The following DMRT3 variants were observed in gnomAD, a reference collection of about 807,000 sequenced individuals.
DMRT3 encodes doublesex- and mab-3-related transcription factor 3.
Under a neutral mutation model 34.9 loss-of-function variants are expected in DMRT3, and 29 were observed. The ratio of observed to expected loss-of-function variants is 0.83; its 90% confidence interval spans 0.62 to 1.13. DMRT3 has a LOEUF of 1.13. Among genes scored for constraint, DMRT3 ranks in the 50% most tolerant of loss-of-function variants. The pLI, the probability that DMRT3 is intolerant of heterozygous loss-of-function variation, is 0.00. For synonymous variants in DMRT3, 350 were observed against 286.0 expected, an observed-to-expected ratio of 1.22 and a Z score of -2.26; for missense variants, 772 against 629.1, an observed-to-expected ratio of 1.23 and a Z score of -2.43.
intron 1 of DMRT3, among the ~76,000 whole-genome samples, chr9:978,950 T>C (rs559700775): frequency 6.6e-6 from 1 of 152,350 alleles, no homozygotes; most frequent in Admixed American, 6.5e-5. Flanking sequence ...TTTTCTCCCA[T>C]AGGTTTGAAC....
Position 976,999 on chromosome 9 carries a change from G to T in DMRT3, c.-3G>T. The T allele has an allele frequency of 6.7e-7, 1 of 1,493,800 alleles. No individual in the cohort carries two copies. Among genetic ancestry groups the T allele is most frequent in the Non-Finnish European group, 8.9e-7 (1 of 1,120,900 alleles). The allele number at this position is 1,493,800 out of a possible 1,614,324, so 92.5% of individuals were successfully genotyped here. On this transcript the variant is annotated 5_prime_UTR_variant, in exon 1 of 2. Coordinates refer to ENST00000190165, the MANE Select transcript of DMRT3 (RefSeq NM_021240.4). This position sits in a 1 kb window ranked among gnomAD's most constrained non-coding sequence, Gnocchi z 4.5. The stretch of plus-strand genomic sequence containing the variant: ...GCTGCCAACTCATTCGGGAGCCCGG[G>T]GCATGAACGGCTACGGCTCCCCCTA...
Position 976,942 on chromosome 9 carries a change from T to C in DMRT3, c.-60T>C. The stretch of plus-strand genomic sequence containing the variant: ...CTGAGCGGGCCTCGCAGCCCCGCCG[T>C]CCAGCGCTCCCTGGCCCTCTCCCGC... On this transcript the variant is annotated 5_prime_UTR_variant, in exon 1 of 2. Transcript: ENST00000190165. The surrounding 1 kb of genome is among the most constrained non-coding windows in gnomAD (Gnocchi z 4.5). The C allele has an allele frequency of 7.2e-7, 1 of 1,389,064 alleles. No individual in the cohort carries two copies. The highest frequency in any genetic ancestry group is 1.7e-5 in the South Asian group (1 of 59,616). 86.0% of individuals were successfully genotyped at this position (1,389,064 alleles called of 1,614,324 possible). A position where few individuals can be genotyped will look rare whatever the true frequency, so the allele number is the denominator to read the frequency against.
Position 990,415 on chromosome 9 carries a change from G to T in DMRT3, c.829G>T (p.Asp277Tyr), listed in dbSNP as rs1820342219. ...LELILKGCGG[D>Y]LVSAVEVLLS... ...GCTCATCCTCAAGGGCTGTGGCGGG[G>T]ACCTGGTGAGCGCCGTGGAAGTCCT... The change falls in exon 2 of 2, where the codon GAC becomes TAC. Residue 277 changes from aspartate (D) to tyrosine (Y), a missense_variant. Asp to Tyr is a radical substitution (Grantham distance 160). Coordinates refer to ENST00000190165, the MANE Select transcript of DMRT3 (RefSeq NM_021240.4). 1.2e-6 allele frequency: 2 copies of T among 1,614,126 alleles called. No homozygotes were observed. Among genetic ancestry groups the T allele is most frequent in the Non-Finnish European group, 1.7e-6 (2 of 1,180,026 alleles).
In DMRT3 at chr9:990,222, C is replaced by T. The variant is rs796689543; in HGVS notation, c.636C>T (p.Gly212=). The change falls in exon 2 of 2, where the codon GGC becomes GGT. Residue 212 remains glycine (G), a synonymous_variant. Coordinates refer to ENST00000190165, the MANE Select transcript of DMRT3 (RefSeq NM_021240.4). ...GATACGCTGTCCAGAAAAACGGAGG[C>T]AACCCCGAGAGCCGCCCTGACAGCC... ...EGGYAVQKNG[G]NPESRPDSPK... is the part of the protein sequence containing the mutation. 1.2e-6 allele frequency: 2 copies of T among 1,613,972 alleles called. No individual in the cohort carries two copies. The highest frequency in any genetic ancestry group is 2.2e-5 in the South Asian group (2 of 91,048).
In DMRT3 at chr9:990,387, T is replaced by C. The variant is rs762892476; in HGVS notation, c.801T>C (p.Leu267=). 4 of 1,613,994 alleles carry C rather than the reference T, an allele frequency of 2.5e-6. No individual in the cohort carries two copies. The African/African-American group carries it at 4.0e-5, about 16-fold the overall frequency. The change falls in exon 2 of 2, where the codon CTT becomes CTC. Residue 267 remains leucine (L), a synonymous_variant. Transcript: ENST00000190165. ...TCCCCAACCAGAAGCCAACGGTGCTTGAGCTCATCCTCAAGGGCTGTGGCG... is the reference window on the plus strand; with the variant it reads ...TCCCCAACCAGAAGCCAACGGTGCTCGAGCTCATCCTCAAGGGCTGTGGCG... ...KIFPNQKPTV[L]ELILKGCGGD... is the part of the protein sequence containing the mutation.
Position 977,357 on chromosome 9 carries a change from A to AGCCGCC in DMRT3, c.359_364dup (p.Pro120_Pro121dup), listed in dbSNP as rs1395472612. 1.6e-6 allele frequency: 2 copies of AGCCGCC among 1,237,128 alleles called. No individual in the cohort carries two copies. Among genetic ancestry groups the AGCCGCC allele is most frequent in the Non-Finnish European group, 1.0e-6 (1 of 993,550 alleles). The allele number at this position is 1,237,128 out of a possible 1,614,324, so 76.6% of individuals were successfully genotyped here. On this transcript the variant is annotated inframe_insertion, in exon 1 of 2. Transcript: ENST00000190165. ...CCAGCCTCTCAGCCGTCGCAGCCGC[A>AGCCGCC]GCCGCCGCGCCCTGCTGCCGAGTTG...
At chr9:982,932 G>A (rs1022248409) in intron 1 of DMRT3, among the ~76,000 whole-genome samples, 9 of 152,142 alleles carry the variant, frequency 5.9e-5, no homozygotes, top group African/African-American at 1.9e-4. Context: ...CTAGTCCTGT[G>A]TGGCTCTGAT....
rs1820166091 is a variant in DMRT3 at position 977,424 on chromosome 9, C to A, written c.423C>A (p.Pro141=). Residue 141 remains proline (P), a synonymous_variant, in exon 1 of 2, where the codon CCC becomes CCA. Coordinates refer to ENST00000190165, the MANE Select transcript of DMRT3 (RefSeq NM_021240.4). ...TGCGTTGGACTGCCGAGCCGCAGCC[C>A]GGGGCTCTGCAGGCGCAGCTCGCCA... The part of the protein sequence containing the change: ...AALRWTAEPQ[P]GALQAQLAKP... 7.9e-7 allele frequency: 1 copy of A among 1,273,074 alleles called. No individual in the cohort carries two copies. The highest frequency in any genetic ancestry group is 9.9e-7 in the Non-Finnish European group (1 of 1,011,494). 78.9% of individuals were successfully genotyped at this position (1,273,074 alleles called of 1,614,324 possible).
Position 977,085 on chromosome 9 carries a change from G to A in DMRT3, c.84G>A (p.Lys28=). ...PPRAPLQRTP[K]CARCRNHGVL... Reference sequence around the variant, plus strand: ...GGGCGCCCCTGCAGCGCACGCCCAAGTGCGCGCGCTGCCGCAACCATGGCG... The same window carrying A: ...GGGCGCCCCTGCAGCGCACGCCCAAATGCGCGCGCTGCCGCAACCATGGCG... Residue 28 remains lysine, a synonymous_variant, in exon 1 of 2, where the codon AAG becomes AAA. Coordinates refer to ENST00000190165, the MANE Select transcript of DMRT3 (RefSeq NM_021240.4). 6.3e-7 allele frequency: 1 copy of A among 1,598,078 alleles called. No individual in the cohort carries two copies. The highest frequency in any genetic ancestry group is 8.5e-7 in the Non-Finnish European group (1 of 1,173,294).
chr9:989,793 T>C (rs1820329643), intron 1 of DMRT3: 2 of 424,688 alleles, frequency 4.7e-6, no homozygotes, highest in Non-Finnish European at 8.3e-6. Context: ...CCATTCTATG[T>C]TGAAGGCAAG....
At chr9:983,425 T>C (rs1392463818) in intron 1 of DMRT3, among the ~76,000 whole-genome samples, 1 of 152,200 alleles carries the variant, frequency 6.6e-6, no homozygotes, top group Non-Finnish European at 1.5e-5. Context: ...CCAGCTGCTA[T>C]CCTTGGAATT....
chr9:977,011 T>C lies in DMRT3; in HGVS notation c.10T>C (p.Tyr4His). The C allele has an allele frequency of 6.6e-7, 1 of 1,511,200 alleles. No homozygotes were observed. Among genetic ancestry groups the C allele is most frequent in the Non-Finnish European group, 8.8e-7 (1 of 1,130,420 alleles). 93.6% of individuals were successfully genotyped at this position (1,511,200 alleles called of 1,614,324 possible). A position where few individuals can be genotyped will look rare whatever the true frequency, so the allele number is the denominator to read the frequency against. ...TTCGGGAGCCCGGGGCATGAACGGC[T>C]ACGGCTCCCCCTACCTGTACATGGG... MNGYGSPYLYMGGP... is the reference protein window; with the variant it reads MNGHGSPYLYMGGP... The change falls in exon 1 of 2, where the codon TAC (tyrosine) becomes CAC (histidine). Residue 4 changes from tyrosine to histidine, a missense_variant. Tyr to His is a moderately conservative substitution (Grantham distance 83). Coordinates refer to ENST00000190165, the MANE Select transcript of DMRT3 (RefSeq NM_021240.4).
At chr9:981,262 CT>C (rs993528926) in intron 1 of DMRT3, among the ~76,000 whole-genome samples, 15 of 151,238 alleles carry the variant, frequency 9.9e-5, no homozygotes, top group East Asian at 5.8e-4. Context: ...AGTCCACTTC[CT>C]TTTTTTTTAA....
In DMRT3 at chr9:981,993, C is replaced by T. The variant is rs112519724; in HGVS notation, c.454+4538C>T. 8.4e-3 allele frequency among the ~76,000 whole-genome samples: 1,285 copies of T among 152,298 alleles called. 15 individuals are homozygous for T. The highest frequency in any genetic ancestry group is 0.029 in the African/African-American group (1,194 of 41,568). On this transcript the variant is annotated intron_variant, in intron 1 of 1. Coordinates refer to ENST00000190165, the MANE Select transcript of DMRT3 (RefSeq NM_021240.4). ...CCTCTCCTTCCCAAGGCAGGAGTCC[C>T]GAGGTGAGTTGACACCTTCTGCAAA...
rs539768924 is a variant in DMRT3 at position 990,402 on chromosome 9, G to A, written c.816G>A (p.Lys272=). 107 of 1,614,082 alleles carry A rather than the reference G, an allele frequency of 6.6e-5. No individual in the cohort carries two copies. The Middle Eastern group carries it at 2.1e-3, about 32-fold the overall frequency. The stretch of plus-strand genomic sequence containing the variant: ...CAACGGTGCTTGAGCTCATCCTCAA[G>A]GGCTGTGGCGGGGACCTGGTGAGCG... The part of the protein sequence containing the change: ...QKPTVLELIL[K]GCGGDLVSAV... Residue 272 remains lysine, a synonymous_variant, in exon 2 of 2, where the codon AAG becomes AAA. Coordinates refer to ENST00000190165, the MANE Select transcript of DMRT3 (RefSeq NM_021240.4).
At chr9:983,465 C>G (rs1820246720) in intron 1 of DMRT3, among the ~76,000 whole-genome samples, 1 of 152,220 alleles carries the variant, frequency 6.6e-6, no homozygotes, top group East Asian at 1.9e-4. Context: ...GAAATATAAC[C>G]AACTGCAGCT....
At chr9:986,040 A>T (rs761949852) in intron 1 of DMRT3, among the ~76,000 whole-genome samples, 1 of 152,250 alleles carries the variant, frequency 6.6e-6, no homozygotes, top group Non-Finnish European at 1.5e-5. Context: ...CGGAGAGAGC[A>T]TGGAGGATTC....
chr9:980,767 C>A (rs977304136), intron 1 of DMRT3, among the ~76,000 whole-genome samples: 2 of 152,138 alleles, frequency 1.3e-5, no homozygotes, highest in South Asian at 2.1e-4. Flanking sequence ...GCCTAGCCAG[C>A]CTTTCAGGAC....
chr9:990,963 G>T lies in DMRT3; in HGVS notation c.1377G>T (p.Arg459Ser), dbSNP rs199600890. ...ACACCGAGGACGACTATGACGAGAG[G>T]TCTGACTCCTCAGACTCTAGAACAC... Reference protein sequence around the residue: ...SIYTEDDYDERSDSSDSRTLN... With the variant: ...SIYTEDDYDESSDSSDSRTLN... Residue 459 changes from arginine (R) to serine (S), a missense_variant, in exon 2 of 2, where the codon AGG becomes AGT. Coordinates refer to ENST00000190165, the MANE Select transcript of DMRT3 (RefSeq NM_021240.4). 6.5e-5 allele frequency: 105 copies of T among 1,614,046 alleles called. No individual in the cohort carries two copies. The South Asian group carries it at 1.1e-3, about 17-fold the overall frequency.
Sources: gnomAD v4.1 joint callset for allele counts (sites outside exome capture counted in the v4.1 genomes callset) on GRCh38, gnomAD v4.1.1 for gene constraint, Gnocchi (gnomAD v3.1) non-coding constraint, MANE v1.5 for transcripts, NCBI Gene and HGNC (gene_info 2026-07-23, HGNC 2026-07-21) for gene names.